Variants in UST observed in about 807,000 individuals in gnomAD.
UST encodes the protein chondroitin sulfate 2-O-sulfotransferase.
UST carries 21 observed loss-of-function variants against 45.6 expected under a neutral mutation model. That is an observed-to-expected ratio of 0.46 (90% confidence interval 0.33 to 0.66). The LOEUF is 0.66. Ranked by LOEUF, UST falls within the 30% of genes least tolerant of loss-of-function variation. The probability of loss-of-function intolerance (pLI) is 0.02; values close to 1 mark genes in which losing one functional copy is unlikely to be tolerated. For missense variants in UST, 463 were observed against 512.4 expected, an observed-to-expected ratio of 0.90 and a Z score of 0.93; for synonymous variants, 215 against 200.6, an observed-to-expected ratio of 1.07 and a Z score of -0.61.
chr6:148,877,695 G>A (rs1296144406), intron 1 of UST, among the ~76,000 whole-genome samples: 6 of 117,586 alleles, frequency 5.1e-5, no homozygotes, highest in Non-Finnish European at 1.0e-4. Context: ...GGTCATGTAT[G>A]AGTGTGAGGG....
chr6:149,016,434 T>G (rs558662733), intron 5 of UST, among the ~76,000 whole-genome samples: 105 of 152,354 alleles, frequency 6.9e-4, no homozygotes, highest in African/African-American at 2.4e-3. Flanking sequence ...AAGAGGTGTC[T>G]GCTTCCTTTC....
rs1386749737 is a variant in UST at position 148,747,478 on chromosome 6, C to G, written c.48C>G (p.Pro16=). The part of the protein sequence containing the change: ...QHPGGGADPW[P]HGAPMGGAPP... ...CCGGCGGCGGCGCGGATCCCTGGCC[C>G]CATGGGGCCCCTATGGGGGGCGCCC... Residue 16 remains proline, a synonymous_variant, in exon 1 of 8, where the codon CCC becomes CCG. Coordinates refer to ENST00000367463, the MANE Select transcript of UST (RefSeq NM_005715.3). 1 of 1,482,494 alleles carries G rather than the reference C, an allele frequency of 6.7e-7. No individual in the cohort carries two copies. Among genetic ancestry groups the G allele is most frequent in the African/African-American group, 1.5e-5 (1 of 68,608 alleles). 91.8% of individuals were successfully genotyped at this position (1,482,494 alleles called of 1,614,324 possible).
intron 2 of UST, among the ~76,000 whole-genome samples, chr6:148,888,445 T>C (rs1462915334): frequency 6.6e-6 from 1 of 152,174 alleles, no homozygotes; most frequent in Non-Finnish European, 1.5e-5. Context: ...AGCATGAACT[T>C]TGGAAGAAGA....
At chr6:148,983,360 A>T (rs1781174657) in intron 5 of UST, among the ~76,000 whole-genome samples, 3 of 152,230 alleles carry the variant, frequency 2.0e-5, no homozygotes, top group African/African-American at 7.2e-5. Flanking sequence ...GGAACAAGGC[A>T]GGAATGAAAA....
chr6:149,062,948 C>T (rs968230343), intron 7 of UST, among the ~76,000 whole-genome samples: 5 of 152,248 alleles, frequency 3.3e-5, no homozygotes, highest in South Asian at 2.1e-4. Flanking sequence ...TTGCACTGTT[C>T]GGGCTACTAT....
chr6:148,904,828 AT>A (rs1253274143), intron 2 of UST, among the ~76,000 whole-genome samples: 2 of 152,094 alleles, frequency 1.3e-5, no homozygotes, highest in African/African-American at 4.8e-5. Context: ...CAATTTAGTA[AT>A]TTTTGGTTCT....
chr6:148,780,881 G>T (rs534592169), intron 1 of UST, among the ~76,000 whole-genome samples: 1 of 152,180 alleles, frequency 6.6e-6, no homozygotes, highest in South Asian at 2.1e-4. Context: ...TATTGTAATT[G>T]TTTGGGGGAG....
intron 7 of UST, among the ~76,000 whole-genome samples, chr6:149,047,279 T>A (rs1419330563): frequency 2.0e-5 from 3 of 152,192 alleles, no homozygotes; most frequent in Non-Finnish European, 4.4e-5. Flanking sequence ...TTAGACATAG[T>A]TTGCTAGTAG....
chr6:148,861,721 G>T (rs1249292822), intron 1 of UST, among the ~76,000 whole-genome samples: 1 of 152,154 alleles, frequency 6.6e-6, no homozygotes, highest in Non-Finnish European at 1.5e-5. Flanking sequence ...TGGTTTCAGG[G>T]AGCATCTTTA....
chr6:148,934,707 G>A lies in UST; in HGVS notation c.292-6572G>A, dbSNP rs1779986228. 6.6e-6 allele frequency among the ~76,000 whole-genome samples: 1 copy of A among 152,126 alleles called. No individual in the cohort carries two copies. Among genetic ancestry groups the A allele is most frequent in the Non-Finnish European group, 1.5e-5 (1 of 68,034 alleles). On this transcript the variant is annotated intron_variant, in intron 2 of 7. Coordinates refer to ENST00000367463, the MANE Select transcript of UST (RefSeq NM_005715.3). This position sits in a 1 kb window ranked among gnomAD's most constrained non-coding sequence, Gnocchi z 4.1. ...TCAGCCACTTAATACAGAAAGCTGGGAGTCCTCTGTGACAGCACTTCCTCA... is the reference window on the plus strand; with the variant it reads ...TCAGCCACTTAATACAGAAAGCTGGAAGTCCTCTGTGACAGCACTTCCTCA...
chr6:148,867,038 C>A (rs1778449640), intron 1 of UST, among the ~76,000 whole-genome samples: 1 of 152,142 alleles, frequency 6.6e-6, no homozygotes, highest in Non-Finnish European at 1.5e-5. Context: ...TCTTTCACTT[C>A]TCCTATGCTC....
chr6:148,758,851 A>AT (rs1776147314), intron 1 of UST, among the ~76,000 whole-genome samples: 1 of 152,172 alleles, frequency 6.6e-6, no homozygotes. Flanking sequence ...AGAAAGTTGT[A>AT]TTTTGTTTGG....
chr6:148,909,711 G>GC (rs1352378299), intron 2 of UST, among the ~76,000 whole-genome samples: 1 of 152,186 alleles, frequency 6.6e-6, no homozygotes, highest in Non-Finnish European at 1.5e-5. Context: ...AAAATTGCCA[G>GC]CTAGTGCTCC....
At chr6:148,825,845 C>T (rs1399733208) in intron 1 of UST, among the ~76,000 whole-genome samples, 2 of 152,154 alleles carry the variant, frequency 1.3e-5, no homozygotes, top group Non-Finnish European at 2.9e-5. Flanking sequence ...AGAGGAAATA[C>T]AGGGAAGGTT....
At chr6:149,004,287 G>GA (rs1361350719) in intron 5 of UST, among the ~76,000 whole-genome samples, 6 of 152,158 alleles carry the variant, frequency 3.9e-5, no homozygotes, top group Non-Finnish European at 8.8e-5. Context: ...AGAGGAAGAA[G>GA]AAAAAGGTTT....
chr6:148,776,476 C>G (rs1776537124), intron 1 of UST, among the ~76,000 whole-genome samples: 1 of 152,198 alleles, frequency 6.6e-6, no homozygotes, highest in Non-Finnish European at 1.5e-5. Context: ...GCAGAATCAT[C>G]TCATTCTTTT....
intron 3 of UST, among the ~76,000 whole-genome samples, chr6:148,944,396 A>T (rs1780190631): frequency 6.6e-6 from 1 of 152,064 alleles, no homozygotes; most frequent in African/African-American, 2.4e-5. Flanking sequence ...TTGGAATATT[A>T]TCCATTTCTA....
chr6:149,014,253 G>C (rs1258617178), intron 5 of UST, among the ~76,000 whole-genome samples: 3 of 152,214 alleles, frequency 2.0e-5, no homozygotes, highest in Non-Finnish European at 1.5e-5. Context: ...CCCCTGCAAG[G>C]TGGGTGGGAA....
intron 1 of UST, among the ~76,000 whole-genome samples, chr6:148,804,271 A>C (rs994663775): frequency 6.6e-6 from 1 of 152,132 alleles, no homozygotes; most frequent in African/African-American, 2.4e-5. Flanking sequence ...TTCTCTTCAC[A>C]TTCGGGAGTT....
Sources: allele counts gnomAD v4.1 joint callset (sites outside exome capture counted in the v4.1 genomes callset), GRCh38; gene constraint gnomAD v4.1.1; non-coding constraint Gnocchi (gnomAD v3.1); transcripts MANE v1.5; gene names NCBI Gene and HGNC (gene_info 2026-07-23, HGNC 2026-07-21).